The following CELF4 variants were observed in gnomAD, a reference collection of about 807,000 sequenced individuals.
CELF4 encodes CUG-BP- and ETR-3-like factor 4.
A neutral mutation model predicts 59.9 loss-of-function variants in CELF4; 18 were observed. That is an observed-to-expected ratio of 0.30 (90% CI 0.21 to 0.45). The LOEUF is 0.45. CELF4 is among the 20% of genes least tolerant of loss of function. The probability of loss-of-function intolerance (pLI) is 1.00; values close to 1 mark genes in which losing one functional copy is unlikely to be tolerated. For synonymous variants in CELF4, 261 were observed against 267.1 expected, an observed-to-expected ratio of 0.98 and a Z score of 0.22; for missense variants, 456 against 689.0, an observed-to-expected ratio of 0.66 and a Z score of 3.79.
chr18:37,359,697 T>C (rs1603627609), intron 2 of CELF4, among the ~76,000 whole-genome samples: 2 of 152,250 alleles, frequency 1.3e-5, no homozygotes, highest in South Asian at 4.1e-4. Flanking sequence ...TACAGGCACG[T>C]GCCAACATGC....
chr18:37,318,520 A>T (rs559376846), intron 3 of CELF4, among the ~76,000 whole-genome samples: 20 of 145,956 alleles, frequency 1.4e-4, no homozygotes, highest in African/African-American at 3.4e-4. Context: ...ACTTTCTTTT[A>T]AAAAAAAAAC....
At chr18:37,491,199 T>C (rs729379) in intron 1 of CELF4, among the ~76,000 whole-genome samples, 25,131 of 89,982 alleles carry the variant, frequency 0.28, 4,551 homozygotes, top group Non-Finnish European at 0.41. Flanking sequence ...TCTCCTCACC[T>C]GAGAGGGACG....
In CELF4 at chr18:37,253,488, A is replaced by G; in HGVS notation, c.*44+279T>C. On this transcript the variant is annotated intron_variant, in intron 12 of 12. Transcript: ENST00000420428. This position sits in a 1 kb window ranked among gnomAD's most constrained non-coding sequence, Gnocchi z 4.5. ...CTGGCCAACAGGACTGCCAATGTAGACCCGGAGGCGCAGGCCCAGGGCTCG... is the reference window on the plus strand; with the variant it reads ...CTGGCCAACAGGACTGCCAATGTAGGCCCGGAGGCGCAGGCCCAGGGCTCG... Among the ~76,000 whole-genome samples the G allele has an allele frequency of 6.6e-6, 1 of 152,014 alleles. No individual in the cohort carries two copies. The highest frequency in any genetic ancestry group is 1.9e-4 in the East Asian group (1 of 5,144).
At chr18:37,280,691 G>A (rs540050108) in intron 3 of CELF4, among the ~76,000 whole-genome samples, 1 of 152,322 alleles carries the variant, frequency 6.6e-6, no homozygotes, top group South Asian at 2.1e-4. Context: ...GAGAGGTGGA[G>A]GGACGCCTTC....
intron 2 of CELF4, among the ~76,000 whole-genome samples, chr18:37,341,671 G>T (rs1450872145): frequency 6.6e-6 from 1 of 152,162 alleles, no homozygotes; most frequent in African/African-American, 2.4e-5. Context: ...CCTATGGGCT[G>T]CTGTCCAGCA....
chr18:37,565,683 C>G lies in CELF4; in HGVS notation c.-42G>C. ...CCTTTTATTCTTTCTCGCTCACACTCTCTCGCTCCTCTCTCTCGCTCGCTC... is the reference window on the plus strand; with the variant it reads ...CCTTTTATTCTTTCTCGCTCACACTGTCTCGCTCCTCTCTCTCGCTCGCTC... On this transcript the variant is annotated 5_prime_UTR_variant, in exon 1 of 13. Transcript: ENST00000420428. The G allele has an allele frequency of 6.7e-7, 1 of 1,482,364 alleles. No individual in the cohort carries two copies. The highest frequency in any genetic ancestry group is 9.0e-7 in the Non-Finnish European group (1 of 1,116,978). 91.8% of individuals were successfully genotyped at this position (1,482,364 alleles called of 1,614,324 possible).
chr18:37,407,735 G>T (rs2099399855), intron 2 of CELF4, among the ~76,000 whole-genome samples: 1 of 151,994 alleles, frequency 6.6e-6, no homozygotes, highest in Non-Finnish European at 1.5e-5. Flanking sequence ...GAAATGGCAG[G>T]TCTGCATCTG....
At chr18:37,525,613 T>C (rs1195860604) in intron 1 of CELF4, among the ~76,000 whole-genome samples, 1 of 26,290 alleles carries the variant, frequency 3.8e-5, no homozygotes, top group Non-Finnish European at 7.2e-5. Context: ...GAGGGAGGGG[T>C]GGGGAGGGGC....
chr18:37,431,407 G>A (rs1389467633), intron 2 of CELF4, among the ~76,000 whole-genome samples: 11 of 116,600 alleles, frequency 9.4e-5, no homozygotes, highest in Admixed American at 8.5e-4. Flanking sequence ...TTGTTCTGTC[G>A]CCCAGGCTGG....
At chr18:37,386,765 A>T (rs1272175600) in intron 2 of CELF4, among the ~76,000 whole-genome samples, 2 of 152,124 alleles carry the variant, frequency 1.3e-5, no homozygotes, top group African/African-American at 4.8e-5. Flanking sequence ...TCTTTTCCTA[A>T]ATAGTTTCCT....
chr18:37,263,008 G>A (rs2075674619), intron 10 of CELF4, among the ~76,000 whole-genome samples: 1 of 152,168 alleles, frequency 6.6e-6, no homozygotes, highest in South Asian at 2.1e-4. Context: ...TGCCTGCTGG[G>A]TGTGAGCTGG....
intron 1 of CELF4, among the ~76,000 whole-genome samples, chr18:37,499,618 G>C (rs2099929190): frequency 6.6e-6 from 1 of 152,354 alleles, no homozygotes; most frequent in Admixed American, 6.5e-5. Flanking sequence ...CAATGGCAGG[G>C]CTGGCCCCTC....
At chr18:37,413,166 G>A (rs1375312913) in intron 2 of CELF4, among the ~76,000 whole-genome samples, 2 of 152,210 alleles carry the variant, frequency 1.3e-5, no homozygotes, top group Admixed American at 6.5e-5. Context: ...GGGAGCCAGC[G>A]ATGTCTACAT....
chr18:37,343,971 C>A (rs1458875156), intron 2 of CELF4, among the ~76,000 whole-genome samples: 1 of 152,202 alleles, frequency 6.6e-6, no homozygotes, highest in African/African-American at 2.4e-5. Context: ...CAACCAAACT[C>A]CTCCCCATTT....
intron 2 of CELF4, among the ~76,000 whole-genome samples, chr18:37,399,561 C>T (rs910469196): frequency 3.3e-5 from 5 of 152,164 alleles, no homozygotes; most frequent in Non-Finnish European, 7.4e-5. Context: ...CCTGTGGGGG[C>T]TTTTACTAAC....
chr18:37,272,459 G>C (rs887667117), intron 7 of CELF4, among the ~76,000 whole-genome samples: 3 of 151,568 alleles, frequency 2.0e-5, no homozygotes, highest in African/African-American at 7.3e-5. Flanking sequence ...CATGATTTGT[G>C]AGCTGGGTTC....
rs1473477877 is a variant in CELF4 at position 37,542,533 on chromosome 18, C to T, written c.286+22823G>A. On this transcript the variant is annotated intron_variant, in intron 1 of 12. Coordinates refer to ENST00000420428, the MANE Select transcript of CELF4 (RefSeq NM_020180.4). ...ATCTTGGCTGTGCCACTTACTTGCTCCGTGCCCTGGGAAGTTAGGGCAGTT... is the reference window on the plus strand; with the variant it reads ...ATCTTGGCTGTGCCACTTACTTGCTTCGTGCCCTGGGAAGTTAGGGCAGTT... 7.2e-5 allele frequency among the ~76,000 whole-genome samples: 11 copies of T among 152,308 alleles called. No homozygotes were observed. The South Asian group carries it at 1.9e-3, about 26-fold the overall frequency.
At chr18:37,498,524 A>C (rs2974270) in intron 1 of CELF4, among the ~76,000 whole-genome samples, 150,216 of 150,226 alleles carry the variant, frequency 1, 75,103 homozygotes, top group Middle Eastern at 1. Flanking sequence ...CTCTTCCCTT[A>C]CCTTCTCCCT....
At chr18:37,499,946 G>T in intron 1 of CELF4, among the ~76,000 whole-genome samples, 1 of 152,190 alleles carries the variant, frequency 6.6e-6, no homozygotes, top group East Asian at 1.9e-4. Context: ...AAAGGAGCAC[G>T]AGTCAATCAT....
Sources: gnomAD v4.1 joint callset for allele counts (sites outside exome capture counted in the v4.1 genomes callset) on GRCh38, gnomAD v4.1.1 for gene constraint, Gnocchi (gnomAD v3.1) non-coding constraint, MANE v1.5 for transcripts, NCBI Gene and HGNC (gene_info 2026-07-23, HGNC 2026-07-21) for gene names.